The following MAMLD1 variants were observed in gnomAD, a reference collection of about 807,000 sequenced individuals.
MAMLD1 encodes mastermind-like domain-containing protein 1.
In MAMLD1, 14 loss-of-function variants were observed where a neutral mutation model predicts 45.0. That is an observed-to-expected ratio of 0.31 (90% CI 0.21 to 0.49). MAMLD1 has a LOEUF of 0.49. Ranked by LOEUF, MAMLD1 falls within the 20% of genes least tolerant of loss-of-function variation. The pLI is 0.99. For missense variants in MAMLD1, 543 were observed against 603.6 expected (o/e 0.90, Z 1.05); for synonymous variants, 254 against 247.8 (o/e 1.02, Z -0.24).
intron 1 of MAMLD1, among the ~76,000 whole-genome samples, chrX:150,441,124 AG>A (rs2035303533): frequency 9.3e-6 from 1 of 107,268 alleles, no homozygotes; most frequent in Admixed American, 1.0e-4. Flanking sequence ...TTAAATGCAT[AG>A]ACTGTGAAAG....
At chrX:150,369,847 G>GTT (rs1557400924) in intron 1 of MAMLD1, among the ~76,000 whole-genome samples, 2,938 of 104,357 alleles carry the variant, frequency 0.028, 61 homozygotes, top group Non-Finnish European at 0.042. Context: ...TAATCCAGCT[G>GTT]TTTTTTTTTA....
At chrX:150,488,886 C>A (rs2037081641) in intron 5 of MAMLD1, among the ~76,000 whole-genome samples, 1 of 113,001 alleles carries the variant, frequency 8.8e-6, no homozygotes, top group Non-Finnish European at 1.9e-5. Flanking sequence ...TCTACAGAAA[C>A]GAGCAGCATG....
chrX:150,425,538 C>T (rs2034674213), intron 1 of MAMLD1, among the ~76,000 whole-genome samples: 1 of 112,097 alleles, frequency 8.9e-6, no homozygotes, highest in Admixed American at 9.4e-5. Flanking sequence ...CATTGCTAAG[C>T]TCACTTGTGC....
rs1174092962 is a variant in MAMLD1, at chrX:150,430,019, C to CTTTTT, written c.-63-15415_-63-15411dup. 2.5e-3 allele frequency among the ~76,000 whole-genome samples: 123 copies of CTTTTT among 49,207 alleles called. 2 individuals carry two copies. The highest frequency in any genetic ancestry group is 5.1e-3 in the African/African-American group (60 of 11,868). The allele number at this position is 49,207 out of a possible 115,157, so 42.7% of individuals were successfully genotyped here. On this transcript the variant is annotated intron_variant, in intron 1 of 7. Coordinates refer to ENST00000370401, the MANE Select transcript of MAMLD1 (RefSeq NM_005491.5). ...CCATTTTCTTTTCTTTCTTTCTTTT[C>CTTTTT]TTTTTTTTTTTTTTTTTTTTTTTTG...
Position 150,513,902 on chromosome X carries a change from G to A in MAMLD1, c.*1943G>A. The A allele has an allele frequency of 6.7e-6, 2 of 297,596 alleles. No homozygotes were observed. Among genetic ancestry groups the A allele is most frequent in the Non-Finnish European group, 1.2e-5 (2 of 170,298 alleles). 24.5% of individuals were successfully genotyped at this position (297,596 alleles called of 1,213,427 possible). On this transcript the variant is annotated 3_prime_UTR_variant, in exon 8 of 8. Coordinates refer to ENST00000370401, the MANE Select transcript of MAMLD1 (RefSeq NM_005491.5). Reference sequence around the variant, plus strand: ...CTTTCAGTATTTGTTTTGATGTAAGGCTCTGTGGTTTGGGGGGGAACATCT... The same window carrying A: ...CTTTCAGTATTTGTTTTGATGTAAGACTCTGTGGTTTGGGGGGGAACATCT...
chrX:150,470,758 C>T lies in MAMLD1; in HGVS notation c.1185C>T (p.Ser395=). Reference sequence around the variant, plus strand: ...TACTGTCAAGCATGACGTCCAGCAGCAATGCTGCCCTGGGGCCCGCCATGC... The same window carrying T: ...TACTGTCAAGCATGACGTCCAGCAGTAATGCTGCCCTGGGGCCCGCCATGC... The part of the protein sequence containing the change: ...NALLSSMTSS[S]NAALGPAMPY... Residue 395 remains serine (S), a synonymous_variant, in exon 4 of 8, where the codon AGC becomes AGT. Coordinates refer to ENST00000370401, the MANE Select transcript of MAMLD1 (RefSeq NM_005491.5). 1 of 1,212,044 alleles carries T rather than the reference C, an allele frequency of 8.3e-7. No homozygotes were observed. Among genetic ancestry groups the T allele is most frequent in the Middle Eastern group, 2.3e-4 (1 of 4,353 alleles).
intron 1 of MAMLD1, among the ~76,000 whole-genome samples, chrX:150,437,043 T>C (rs2124583972): frequency 9.0e-6 from 1 of 111,273 alleles, no homozygotes; most frequent in South Asian, 3.8e-4. Flanking sequence ...GAGGGGCTGG[T>C]ATCAAGTCCT....
intron 5 of MAMLD1, among the ~76,000 whole-genome samples, chrX:150,498,881 A>G (rs782739889): frequency 8.9e-6 from 1 of 112,548 alleles, no homozygotes; most frequent in Non-Finnish European, 1.9e-5. Context: ...AAAAGCCAAG[A>G]AGCGTGACTT....
chrX:150,375,240 T>C (rs782164739), intron 1 of MAMLD1, among the ~76,000 whole-genome samples: 5 of 111,816 alleles, frequency 4.5e-5, no homozygotes, highest in African/African-American at 1.3e-4. Context: ...GACATTTCCT[T>C]GGCCCTTGTT....
intron 1 of MAMLD1, among the ~76,000 whole-genome samples, chrX:150,400,387 A>G (rs1557402385): frequency 8.9e-6 from 1 of 112,056 alleles, no homozygotes; most frequent in African/African-American, 3.2e-5. Context: ...TAGATATACA[A>G]TCATATCGTC....
At chrX:150,482,774 A>G (rs1228040163) in intron 5 of MAMLD1, among the ~76,000 whole-genome samples, 1 of 112,426 alleles carries the variant, frequency 8.9e-6, no homozygotes, top group Non-Finnish European at 1.9e-5. Flanking sequence ...CACAGGCATA[A>G]CCAGAAATAA....
intron 2 of MAMLD1, among the ~76,000 whole-genome samples, chrX:150,452,655 GGTTA>G (rs2035702610): frequency 9.3e-6 from 1 of 107,965 alleles, no homozygotes; most frequent in Admixed American, 9.8e-5. Context: ...ACATTGTGCA[GGTTA>G]GTTACATATG....
At chrX:150,398,157 T>G (rs1483749505) in intron 1 of MAMLD1, among the ~76,000 whole-genome samples, 1 of 107,272 alleles carries the variant, frequency 9.3e-6, no homozygotes, top group Non-Finnish European at 1.9e-5. Flanking sequence ...ATTTTTCACC[T>G]AATATCCATC....
chrX:150,508,956 G>A (rs1321025416), intron 6 of MAMLD1, among the ~76,000 whole-genome samples: 1 of 111,606 alleles, frequency 9.0e-6, no homozygotes, highest in African/African-American at 3.3e-5. Flanking sequence ...GTCACAACCT[G>A]ACACCAACTG....
intron 5 of MAMLD1, among the ~76,000 whole-genome samples, chrX:150,501,726 A>T (rs887572548): frequency 8.9e-6 from 1 of 112,478 alleles, no homozygotes; most frequent in African/African-American, 3.2e-5. Context: ...ATTTGTTCTT[A>T]AAAATTTGTC....
At chrX:150,414,047 A>AAAAG (rs2034192818) in intron 1 of MAMLD1, among the ~76,000 whole-genome samples, 1 of 101,135 alleles carries the variant, frequency 9.9e-6, no homozygotes, top group African/African-American at 3.5e-5. Context: ...AAAAAAAAAA[A>AAAAG]AGAGCCATAA....
At chrX:150,426,557 A>T (rs1557403825) in intron 1 of MAMLD1, among the ~76,000 whole-genome samples, 1 of 112,198 alleles carries the variant, frequency 8.9e-6, no homozygotes, top group East Asian at 2.8e-4. Flanking sequence ...GCCATGAGCA[A>T]AGTATTTTGT....
At chrX:150,406,045 C>G (rs901742645) in intron 1 of MAMLD1, among the ~76,000 whole-genome samples, 2 of 111,360 alleles carry the variant, frequency 1.8e-5, no homozygotes, top group Non-Finnish European at 3.8e-5. Context: ...AGGTCTTGAA[C>G]GTTTATTCAG....
At chrX:150,371,916 A>G (rs995512547) in intron 1 of MAMLD1, among the ~76,000 whole-genome samples, 2 of 111,813 alleles carry the variant, frequency 1.8e-5, no homozygotes, top group African/African-American at 6.5e-5. Flanking sequence ...ATTTTACAGA[A>G]GAGGAAACTG....
Sources: allele counts gnomAD v4.1 joint callset (sites outside exome capture counted in the v4.1 genomes callset), GRCh38; gene constraint gnomAD v4.1.1; transcripts MANE v1.5; gene names NCBI Gene and HGNC (gene_info 2026-07-23, HGNC 2026-07-21).